Variants in BARD1 observed in about 807,000 individuals in gnomAD.
BARD1 encodes BRCA1 associated RING domain 1.
A neutral mutation model predicts 77.0 loss-of-function variants in BARD1; 73 were observed. The observed-to-expected ratio is 0.95, with a 90% confidence interval of 0.79 to 1.15. The LOEUF (loss-of-function observed/expected upper bound fraction) is 1.15. Ranked by LOEUF, BARD1 falls within the 50% of genes most tolerant of loss-of-function variation. The probability of loss-of-function intolerance (pLI) is 0.00; values close to 1 mark genes in which losing one functional copy is unlikely to be tolerated. For missense variants in BARD1, 993 were observed against 938.8 expected, an observed-to-expected ratio of 1.06 and a Z score of -0.75; for synonymous variants, 384 against 338.0, an observed-to-expected ratio of 1.14 and a Z score of -1.49.
chr2:214,774,888 T>G (rs11888027), intron 4 of BARD1, among the ~76,000 whole-genome samples: 90,143 of 152,090 alleles, frequency 0.59, 27,048 homozygotes, highest in Middle Eastern at 0.64. Context: ...TGGAGACAGC[T>G]TTTTTCCTTC....
At chr2:214,766,182 C>CTTGCCAATTTTAAA (rs1251212676) in intron 6 of BARD1, among the ~76,000 whole-genome samples, 2 of 152,168 alleles carry the variant, frequency 1.3e-5, no homozygotes, top group Admixed American at 1.3e-4. Context: ...TTGTGACACT[C>CTTGCCAATTTTAAA]TTGACAATGC....
intron 10 of BARD1, 109 bp from the exon 11 acceptor site, chr2:214,729,117 A>C: frequency 7.7e-7 from 1 of 1,292,556 alleles, no homozygotes; most frequent in Non-Finnish European, 1.1e-6. Context: ...CCTTACCTGA[A>C]ACATTTGGAG....
Position 214,726,876 on chromosome 2 carries a change from T to G in BARD1, c.*1800A>C. 4.4e-6 allele frequency: 1 copy of G among 228,628 alleles called. No individual in the cohort carries two copies. The highest frequency in any genetic ancestry group is 8.7e-6 in the Non-Finnish European group (1 of 115,216). 14.2% of individuals were successfully genotyped at this position (228,628 alleles called of 1,614,324 possible). ...AACCAAGAAAATGAATGACAAAAAC[T>G]AAGAGACCTCATAGGTGTCTTTACA... is the stretch of plus-strand genomic sequence containing the variant. On this transcript the variant is annotated 3_prime_UTR_variant, in exon 11 of 11. Coordinates refer to ENST00000260947, the MANE Select transcript of BARD1 (RefSeq NM_000465.4).
In BARD1 at chr2:214,751,136, TATATATATA is replaced by T. The variant is rs1559393024; in HGVS notation, c.1677+1302_1677+1310del. Among the ~76,000 whole-genome samples the T allele has an allele frequency of 4.6e-4, 21 of 46,076 alleles. 1 individual carries two copies. The highest frequency in any genetic ancestry group is 6.5e-4 in the Non-Finnish European group (12 of 18,556). The allele number at this position is 46,076 out of a possible 152,430, so 30.2% of individuals were successfully genotyped here. A position where few individuals can be genotyped will look rare whatever the true frequency, so the allele number is the denominator to read the frequency against. ...GTGTGTGTATATATATATATATATA[TATATATATA>T]TATATATTTTTTTTTTTTTTTTTTT... On this transcript the variant is annotated intron_variant, in intron 7 of 10. Transcript: ENST00000260947.
intron 1 of BARD1, among the ~76,000 whole-genome samples, chr2:214,801,204 C>T (rs978424927): frequency 4.0e-5 from 6 of 151,810 alleles, no homozygotes; most frequent in African/African-American, 1.5e-4. Flanking sequence ...AGTATCACTC[C>T]AGCACTGCTT....
chr2:214,780,469 T>C lies in BARD1; in HGVS notation c.1314+91A>G. The C allele has an allele frequency of 4.6e-6, 5 of 1,079,510 alleles. 1 individual carries two copies. The South Asian group carries it at 6.7e-5, about 14-fold the overall frequency. The allele number at this position is 1,079,510 out of a possible 1,614,324, so 66.9% of individuals were successfully genotyped here. ...CATGTCTGTGAAAGGTTAATTATCC[T>C]AGTAATCCTATGCCATTTTTCAAAA... is the stretch of plus-strand genomic sequence containing the variant. On this transcript the variant is annotated intron_variant, in intron 4 of 10. Transcript: ENST00000260947.
In BARD1 at chr2:214,780,899, G is replaced by A. The variant is rs876660202; in HGVS notation, c.975C>T (p.His325=). ...PLENNGKRGH[H]NRLSSPISKR... ...TAGAAATGGGACTGGAAAGTCTATTGTGATGGCCACGTTTTCCATTATTTT... is the reference window on the plus strand; with the variant it reads ...TAGAAATGGGACTGGAAAGTCTATTATGATGGCCACGTTTTCCATTATTTT... Residue 325 remains histidine, a synonymous_variant, in exon 4 of 11, where the codon CAC becomes CAT. Coordinates refer to ENST00000260947, the MANE Select transcript of BARD1 (RefSeq NM_000465.4). 7 of 1,614,008 alleles carry A rather than the reference G, an allele frequency of 4.3e-6. No homozygotes were observed. Among genetic ancestry groups the A allele is most frequent in the Non-Finnish European group, 5.9e-6 (7 of 1,180,006 alleles).
rs1443447540 is a variant in BARD1, at chr2:214,745,782, T to C, written c.1750A>G (p.Met584Val). ...AGAATTACTGCAAGCTCACTGAGCA[T>C]TTTCTGTTGTTCTGAAGACAGCCCA... ...GSGLSSEQQK[M>V]LSELAVILKA... Residue 584 changes from methionine (M) to valine (V), a missense_variant, in exon 8 of 11, where the codon ATG becomes GTG. Physicochemically the swap from Met to Val is conservative, Grantham distance 21. Coordinates refer to ENST00000260947, the MANE Select transcript of BARD1 (RefSeq NM_000465.4). The C allele has an allele frequency of 6.2e-7, 1 of 1,614,068 alleles. No individual in the cohort carries two copies. The highest frequency in any genetic ancestry group is 1.1e-5 in the South Asian group (1 of 91,080).
At chr2:214,802,096 TGACTCACAATGGTTC>T (rs967919853) in intron 1 of BARD1, among the ~76,000 whole-genome samples, 2 of 152,184 alleles carry the variant, frequency 1.3e-5, no homozygotes, top group Admixed American at 6.5e-5. Context: ...AGATGATCCC[TGACTCACAATGGTTC>T]GACTCACAAT....
intron 9 of BARD1, among the ~76,000 whole-genome samples, chr2:214,739,233 C>T (rs1162811726): frequency 6.6e-6 from 1 of 150,662 alleles, no homozygotes; most frequent in East Asian, 1.9e-4. Context: ...TTAGTCAATA[C>T]AAAATATCCT....
Position 214,728,551 on chromosome 2 carries a change from TTG to T in BARD1, c.*123_*124del. 4 of 918,220 alleles carry T rather than the reference TTG, an allele frequency of 4.4e-6. No individual in the cohort carries two copies. The highest frequency in any genetic ancestry group is 1.7e-5 in the African/African-American group (1 of 59,494). The allele number at this position is 918,220 out of a possible 1,614,324, so 56.9% of individuals were successfully genotyped here. A position where few individuals can be genotyped will look rare whatever the true frequency, so the allele number is the denominator to read the frequency against. ...CTGGCATTAGACTTTTTTTTTTTTT[TTG>T]ATTCAAAGACAAATATGAATGACTC... On this transcript the variant is annotated 3_prime_UTR_variant, in exon 11 of 11. Coordinates refer to ENST00000260947, the MANE Select transcript of BARD1 (RefSeq NM_000465.4).
At position 214,726,052 on chromosome 2, in the gene BARD1, G is replaced by T. The variant is rs2105981873; in HGVS notation, c.*2624C>A. On this transcript the variant is annotated 3_prime_UTR_variant, in exon 11 of 11. Coordinates refer to ENST00000260947, the MANE Select transcript of BARD1 (RefSeq NM_000465.4). ...AAGGCAGGTGCAAAAAAAAAAAAAG[G>T]TGGGGGGACCGATGAAATAAAGGAA... 4.6e-6 allele frequency: 1 copy of T among 217,398 alleles called. No homozygotes were observed. The highest frequency in any genetic ancestry group is 1.9e-4 in the South Asian group (1 of 5,374). The allele number at this position is 217,398 out of a possible 1,614,324, so 13.5% of individuals were successfully genotyped here.
chr2:214,739,105 C>T lies in BARD1; in HGVS notation c.1903+5962G>A, dbSNP rs1209969741. ...TCATGGCTGCAAAGAGCTATGATTGCACCACTGCAGTCCAGCCTGTGTGAC... is the reference window on the plus strand; with the variant it reads ...TCATGGCTGCAAAGAGCTATGATTGTACCACTGCAGTCCAGCCTGTGTGAC... On this transcript the variant is annotated intron_variant, in intron 9 of 10. Coordinates refer to ENST00000260947, the MANE Select transcript of BARD1 (RefSeq NM_000465.4). Among the ~76,000 whole-genome samples, 92 of 152,116 alleles carry T rather than the reference C, an allele frequency of 6.0e-4. 1 individual carries two copies. The highest frequency in any genetic ancestry group is 3.9e-4 in the East Asian group (2 of 5,176).
At chr2:214,778,896 A>G (rs1027491534) in intron 4 of BARD1, among the ~76,000 whole-genome samples, 1 of 152,216 alleles carries the variant, frequency 6.6e-6, no homozygotes, top group Non-Finnish European at 1.5e-5. Flanking sequence ...CTTGCCTGAT[A>G]GTCCAAAAAT....
At chr2:214,777,694 T>C (rs759219115) in intron 4 of BARD1, among the ~76,000 whole-genome samples, 3 of 152,218 alleles carry the variant, frequency 2.0e-5, no homozygotes, top group Non-Finnish European at 4.4e-5. Context: ...CAAAACTAAA[T>C]TCACTCCAGT....
intron 4 of BARD1, among the ~76,000 whole-genome samples, chr2:214,779,839 A>G (rs560253681): frequency 1.2e-4 from 19 of 152,334 alleles, no homozygotes; most frequent in African/African-American, 4.6e-4. Flanking sequence ...TAACATTTGC[A>G]TGAAATCACA....
intron 3 of BARD1, among the ~76,000 whole-genome samples, chr2:214,790,823 C>T (rs184277350): frequency 1.4e-4 from 21 of 152,234 alleles, no homozygotes; most frequent in Non-Finnish European, 2.4e-4. Context: ...TCATACTGCA[C>T]AATTAACTCA....
At position 214,809,440 on chromosome 2, in the gene BARD1, G is replaced by A. The variant is rs876658807; in HGVS notation, c.130C>T (p.Leu44=). 6 of 1,612,140 alleles carry A rather than the reference G, an allele frequency of 3.7e-6. No homozygotes were observed. The Admixed American group carries it at 5.0e-5, about 13-fold the overall frequency. The change falls in exon 1 of 11, where the codon CTG becomes TTG. Residue 44 remains leucine (L), a synonymous_variant. Transcript: ENST00000260947. ...CGCGAGCAGCGCAGCAGCTTCTCCA[G>A]GCGGTCGAGCGCGGCGCGACTGTGG... ...WAHSRAALDR[L]EKLLRCSRCT... is the part of the protein sequence containing the mutation.
At chr2:214,787,908 AC>A (rs1372967666) in intron 3 of BARD1, among the ~76,000 whole-genome samples, 1 of 152,014 alleles carries the variant, frequency 6.6e-6, no homozygotes, top group East Asian at 1.9e-4. Context: ...TCTTTGACGA[AC>A]CAGTCCCTTA....
Sources: gnomAD v4.1 joint callset for allele counts (sites outside exome capture counted in the v4.1 genomes callset) on GRCh38, gnomAD v4.1.1 for gene constraint, MANE v1.5 for transcripts, NCBI Gene and HGNC (gene_info 2026-07-23, HGNC 2026-07-21) for gene names.